The following MOG variants were observed in gnomAD, a reference collection of about 807,000 sequenced individuals.
MOG encodes myelin-oligodendrocyte glycoprotein.
Under a neutral mutation model 35.9 loss-of-function variants are expected in MOG, and 20 were observed. That is an observed-to-expected ratio of 0.56 (90% CI 0.39 to 0.81). The LOEUF (loss-of-function observed/expected upper bound fraction) is 0.81, where lower values mean the gene tolerates loss of function less well. Among genes scored for constraint, MOG ranks in the 30% least tolerant of loss-of-function variants. The pLI is 0.00. For missense variants in MOG, 251 were observed against 301.0 expected (o/e 0.83, Z 1.23); for synonymous variants, 92 against 114.3 (o/e 0.80, Z 1.25).
chr6:29,660,402 G>C (rs1768307840), intron 2 of MOG, among the ~76,000 whole-genome samples: 1 of 150,650 alleles, frequency 6.6e-6, no homozygotes, highest in African/African-American at 2.4e-5. Context: ...ATGGTAGCAG[G>C]CGCCTGTAGT....
At position 29,671,614 on chromosome 6, in the gene MOG, C is replaced by T. The variant is rs770558135; in HGVS notation, c.*429C>T. On this transcript the variant is annotated 3_prime_UTR_variant, in exon 8 of 8. Coordinates refer to ENST00000376917, the MANE Select transcript of MOG (RefSeq NM_206809.4). ...TCTTCCAAGACTCCAGCCCTGATTG[C>T]GCAAAACTGAAAGGCATGTGAAGGG... 1.2e-4 allele frequency: 81 copies of T among 669,362 alleles called. No individual in the cohort carries two copies. Among genetic ancestry groups the T allele is most frequent in the Non-Finnish European group, 1.9e-4 (71 of 372,912 alleles). The allele number at this position is 669,362 out of a possible 1,614,324, so 41.5% of individuals were successfully genotyped here.
At chr6:29,666,639 C>T (rs956778298) in intron 3 of MOG, among the ~76,000 whole-genome samples, 4 of 152,124 alleles carry the variant, frequency 2.6e-5, no homozygotes, top group African/African-American at 4.8e-5. Context: ...GTGTGAGCTT[C>T]GAAGTCAGAC....
chr6:29,658,812 T>C (rs1187873461), intron 1 of MOG, among the ~76,000 whole-genome samples: 1 of 152,202 alleles, frequency 6.6e-6, no homozygotes, highest in East Asian at 1.9e-4. Flanking sequence ...GTCGTTGTTG[T>C]TCTCAAGAAG....
intron 1 of MOG, among the ~76,000 whole-genome samples, chr6:29,658,391 T>A (rs1389460204): frequency 6.6e-6 from 1 of 152,014 alleles, no homozygotes; most frequent in African/African-American, 2.4e-5. Context: ...CAAGGAACTT[T>A]TTCGGGTCAG....
In MOG at chr6:29,662,551, C is replaced by CTG. The variant is rs1429298947; in HGVS notation, c.436+2886_436+2887dup. ...GAGCCTCCAAGTGCCTACCACCTTG[C>CTG]TGCAGCACTTGTCAATCCAGGGACC... On this transcript the variant is annotated intron_variant, in intron 2 of 7. Transcript: ENST00000376917. This position sits in a 1 kb window ranked among gnomAD's most constrained non-coding sequence, Gnocchi z 4.2. Among the ~76,000 whole-genome samples, 1 of 152,172 alleles carries CTG rather than the reference C, an allele frequency of 6.6e-6. No individual in the cohort carries two copies. The highest frequency in any genetic ancestry group is 1.5e-5 in the Non-Finnish European group (1 of 68,028).
chr6:29,661,039 G>C (rs886262831), intron 2 of MOG, among the ~76,000 whole-genome samples: 1 of 152,190 alleles, frequency 6.6e-6, no homozygotes, highest in Non-Finnish European at 1.5e-5. Flanking sequence ...TGTTTTGCAT[G>C]ATGGGTGATT....
chr6:29,671,387 A>AT lies in MOG; in HGVS notation c.*207dup, dbSNP rs763397023. ...ATCTACCTTTTCTCTTCATTTTCCC[A>AT]TTTTTATTACCCTTCTTTCCATTTC... On this transcript the variant is annotated 3_prime_UTR_variant, in exon 8 of 8. Transcript: ENST00000376917. 1 of 1,612,280 alleles carries AT rather than the reference A, an allele frequency of 6.2e-7. No individual in the cohort carries two copies. Among genetic ancestry groups the AT allele is most frequent in the Non-Finnish European group, 8.5e-7 (1 of 1,179,740 alleles).
intron 4 of MOG, 105 bp from the exon 5 acceptor site, chr6:29,667,799 T>G: frequency 6.5e-7 from 1 of 1,531,250 alleles, no homozygotes; most frequent in Non-Finnish European, 9.1e-7. Flanking sequence ...ACAGTGGGTG[T>G]GTCGTGCCTA....
Position 29,659,601 on chromosome 6 carries a change from G to A in MOG, c.371G>A (p.Gly124Asp). 1 of 1,613,084 alleles carries A rather than the reference G, an allele frequency of 6.2e-7. No homozygotes were observed. Among genetic ancestry groups the A allele is most frequent in the Non-Finnish European group, 8.5e-7 (1 of 1,180,038 alleles). ...IRNVRFSDEG[G>D]FTCFFRDHSY... is the part of the protein sequence containing the mutation. ...AATGTAAGGTTCTCAGATGAAGGAG[G>A]TTTCACCTGCTTCTTCCGAGATCAT... The change falls in exon 2 of 8, where the codon GGT (glycine) becomes GAT (aspartate). Residue 124 changes from glycine to aspartate, a missense_variant. Coordinates refer to ENST00000376917, the MANE Select transcript of MOG (RefSeq NM_206809.4).
At chr6:29,660,038 A>T (rs1161586157) in intron 2 of MOG, 1 of 313,348 alleles carries the variant, frequency 3.2e-6, no homozygotes, top group East Asian at 7.7e-5. Flanking sequence ...CAAAAACAAA[A>T]ACAAAACCCT....
chr6:29,659,096 T>A (rs987944643), intron 1 of MOG, among the ~76,000 whole-genome samples: 1 of 151,944 alleles, frequency 6.6e-6, no homozygotes, highest in Non-Finnish European at 1.5e-5. Flanking sequence ...ACCACTGCAC[T>A]CCAGCCTGGG....
At chr6:29,665,354 C>T (rs907247010) in intron 2 of MOG, among the ~76,000 whole-genome samples, 2 of 151,984 alleles carry the variant, frequency 1.3e-5, no homozygotes, top group African/African-American at 4.8e-5. Flanking sequence ...CCTCGGCCTC[C>T]CAAAGTGCTG....
In MOG at chr6:29,671,258, C is replaced by T; in HGVS notation, c.*73C>T. 6.2e-7 allele frequency: 1 copy of T among 1,612,146 alleles called. No homozygotes were observed. The highest frequency in any genetic ancestry group is 8.5e-7 in the Non-Finnish European group (1 of 1,180,026). Reference sequence around the variant, plus strand: ...GATTTGTCCTTGGGGACATCTCATCCATCAAGTTGCACACTCACTGGCATC... The same window carrying T: ...GATTTGTCCTTGGGGACATCTCATCTATCAAGTTGCACACTCACTGGCATC... On this transcript the variant is annotated 3_prime_UTR_variant, in exon 8 of 8. Transcript: ENST00000376917.
intron 1 of MOG, 89 bp from the exon 2 acceptor site, chr6:29,659,230 C>G (rs1312821689): frequency 8.5e-6 from 10 of 1,180,546 alleles, no homozygotes; most frequent in African/African-American, 3.0e-5. Flanking sequence ...CTTCTTCCTT[C>G]CCTGTTTTGA....
intron 2 of MOG, chr6:29,661,921 C>T: frequency 7.1e-6 from 7 of 985,298 alleles, no homozygotes; most frequent in African/African-American, 1.7e-5. Context: ...ACATTCCAAC[C>T]TCCTGTTCCC....
chr6:29,668,674 C>A (rs1368704831), intron 5 of MOG, among the ~76,000 whole-genome samples: 1 of 151,910 alleles, frequency 6.6e-6, no homozygotes, highest in Admixed American at 6.6e-5. Flanking sequence ...GTGTGGACCA[C>A]ACACACACAC....
Position 29,667,562 on chromosome 6 carries a change from G to T in MOG, c.551-81G>T, listed in dbSNP as rs1770486528. ...CTGCAGAGAAATAGCCTGCACAAGG[G>T]GCCCAGGCGCTGGGTGTGGGAGGGT... On this transcript the variant is annotated intron_variant, in intron 3 of 7. Transcript: ENST00000376917. The T allele has an allele frequency of 4.9e-6, 7 of 1,430,642 alleles. No homozygotes were observed. The Admixed American group carries it at 6.7e-5, about 14-fold the overall frequency. The allele number at this position is 1,430,642 out of a possible 1,614,324, so 88.6% of individuals were successfully genotyped here.
intron 7 of MOG, 46 bp from the exon 8 acceptor site, chr6:29,671,126 C>G: frequency 6.2e-7 from 1 of 1,612,776 alleles, no homozygotes; most frequent in Non-Finnish European, 8.5e-7. Context: ...TTTTATGATA[C>G]AAACTACTGA....
intron 1 of MOG, among the ~76,000 whole-genome samples, 166 bp from the exon 2 acceptor site, chr6:29,659,153 G>GGAA (rs10548565): frequency 0.025 from 3,794 of 151,916 alleles, 164 homozygotes; most frequent in African/African-American, 0.087. Context: ...TAAATAAAAA[G>GGAA]GAAGAAGAAG....
Sources: gnomAD v4.1 joint callset for allele counts (sites outside exome capture counted in the v4.1 genomes callset) on GRCh38, gnomAD v4.1.1 for gene constraint, Gnocchi (gnomAD v3.1) non-coding constraint, MANE v1.5 for transcripts, NCBI Gene and HGNC (gene_info 2026-07-23, HGNC 2026-07-21) for gene names.